Variants in PPM1H observed in about 807,000 individuals in gnomAD.
PPM1H encodes protein phosphatase, Mg2+/Mn2+ dependent 1H.
Under a neutral mutation model 54.9 loss-of-function variants are expected in PPM1H, and 27 were observed. That is an observed-to-expected ratio of 0.49 (90% CI 0.36 to 0.68). The LOEUF (loss-of-function observed/expected upper bound fraction) is 0.68. PPM1H is among the 30% of genes least tolerant of loss of function. The probability of loss-of-function intolerance (pLI) is 0.00; values close to 1 mark genes in which losing one functional copy is unlikely to be tolerated. For missense variants in PPM1H, 596 were observed against 667.8 expected (o/e 0.89, Z 1.19); for synonymous variants, 305 against 270.8 (o/e 1.13, Z -1.24).
At chr12:62,816,101 T>C (rs1456189099) in intron 2 of PPM1H, among the ~76,000 whole-genome samples, 1 of 152,164 alleles carries the variant, frequency 6.6e-6, no homozygotes, top group Non-Finnish European at 1.5e-5. Context: ...GAGTTATTCT[T>C]CCTTGATGTC....
At chr12:62,832,565 A>G (rs1235185934) in intron 1 of PPM1H, among the ~76,000 whole-genome samples, 1 of 152,250 alleles carries the variant, frequency 6.6e-6, no homozygotes. Context: ...CATTTTAGTC[A>G]AAACACATGA....
intron 4 of PPM1H, among the ~76,000 whole-genome samples, chr12:62,742,724 A>G (rs1274704046): frequency 6.6e-6 from 1 of 152,212 alleles, no homozygotes; most frequent in East Asian, 1.9e-4. Context: ...CTGGGGCCTC[A>G]GGCCTGGACT....
intron 9 of PPM1H, among the ~76,000 whole-genome samples, chr12:62,656,091 G>C (rs536022760): frequency 1.3e-5 from 2 of 152,230 alleles, no homozygotes; most frequent in Non-Finnish European, 2.9e-5. Context: ...CTTAAAGTCA[G>C]GCGGAAGGAG....
chr12:62,814,845 G>C (rs2076856273), intron 2 of PPM1H, among the ~76,000 whole-genome samples: 1 of 152,110 alleles, frequency 6.6e-6, no homozygotes, highest in Non-Finnish European at 1.5e-5. Flanking sequence ...CTTCCCCTTG[G>C]GGAAACAGAG....
intron 6 of PPM1H, among the ~76,000 whole-genome samples, chr12:62,700,962 G>C (rs1321966908): frequency 1.3e-5 from 2 of 151,964 alleles, no homozygotes; most frequent in African/African-American, 4.8e-5. Context: ...AACAGTTAAA[G>C]AATTTTACTT....
chr12:62,916,395 ATC>A (rs1335764202), intron 1 of PPM1H, among the ~76,000 whole-genome samples: 1 of 152,192 alleles, frequency 6.6e-6, no homozygotes, highest in African/African-American at 2.4e-5. Context: ...CTGTTTTGGT[ATC>A]TGTCTCATAA....
At chr12:62,839,456 C>T (rs940283699) in intron 1 of PPM1H, among the ~76,000 whole-genome samples, 3 of 152,066 alleles carry the variant, frequency 2.0e-5, no homozygotes, top group African/African-American at 7.2e-5. Flanking sequence ...AAAATTAATA[C>T]ATCCAGCTAC....
intron 2 of PPM1H, among the ~76,000 whole-genome samples, chr12:62,825,643 A>C (rs1868281867): frequency 2.0e-5 from 3 of 152,204 alleles, no homozygotes; most frequent in African/African-American, 7.2e-5. Context: ...ACAGAAAACC[A>C]AACATCATAT....
chr12:62,892,282 A>C (rs2121084511), intron 1 of PPM1H, among the ~76,000 whole-genome samples: 1 of 152,318 alleles, frequency 6.6e-6, no homozygotes, highest in Admixed American at 6.5e-5. Context: ...GTCCTGTGTA[A>C]CCTATGAATT....
intron 2 of PPM1H, among the ~76,000 whole-genome samples, chr12:62,811,985 C>CAGAT (rs1366725952): frequency 6.6e-6 from 1 of 152,168 alleles, no homozygotes; most frequent in East Asian, 1.9e-4. Context: ...AACTGGGGTA[C>CAGAT]AGATAGTTTA....
chr12:62,888,513 T>A (rs1294475079), intron 1 of PPM1H, among the ~76,000 whole-genome samples: 1 of 151,788 alleles, frequency 6.6e-6, no homozygotes, highest in Admixed American at 6.6e-5. Flanking sequence ...AGACACAGCA[T>A]CCCAGGAAGA....
chr12:62,902,850 T>A (rs1402808979), intron 1 of PPM1H, among the ~76,000 whole-genome samples: 1 of 152,230 alleles, frequency 6.6e-6, no homozygotes, highest in African/African-American at 2.4e-5. Context: ...GGCCCTACTC[T>A]AGATGGAGGG....
rs190274262 is a variant in PPM1H at position 62,825,854 on chromosome 12, C to T, written c.411+6260G>A. On this transcript the variant is annotated intron_variant, in intron 2 of 9. Coordinates refer to ENST00000228705, the MANE Select transcript of PPM1H (RefSeq NM_020700.2). ...CTACGTAACAAACCTGCATATTGTG[C>T]GCATGTACCCTAGAACTTAAAGTAT... 7.9e-5 allele frequency among the ~76,000 whole-genome samples: 12 copies of T among 151,222 alleles called. No homozygotes were observed. In the East Asian group the frequency reaches 1.6e-3, roughly 20 times the overall value.
intron 2 of PPM1H, among the ~76,000 whole-genome samples, chr12:62,821,038 A>G (rs1212523831): frequency 1.3e-5 from 2 of 152,174 alleles, no homozygotes; most frequent in East Asian, 1.9e-4. Context: ...AGATCAGATG[A>G]ATGGCTAACT....
intron 1 of PPM1H, among the ~76,000 whole-genome samples, chr12:62,913,872 G>A (rs1332390638): frequency 1.3e-5 from 2 of 151,342 alleles, no homozygotes; most frequent in African/African-American, 4.9e-5. Context: ...GGCTAACTTT[G>A]TATTTTTAGT....
Position 62,875,287 on chromosome 12 carries a change from T to C in PPM1H, c.246-43008A>G, listed in dbSNP as rs148208514. ...GTTCACGAAGCTTAGAAGTTCTTAC[T>C]AGGCAATTCCCCCCAAAAATCCTAA... On this transcript the variant is annotated intron_variant, in intron 1 of 9. Transcript: ENST00000228705. 3.7e-3 allele frequency among the ~76,000 whole-genome samples: 557 copies of C among 152,310 alleles called. 4 individuals are homozygous for C. The highest frequency in any genetic ancestry group is 0.013 in the African/African-American group (527 of 41,554).
chr12:62,744,176 A>G (rs1328999033), intron 4 of PPM1H, among the ~76,000 whole-genome samples: 1 of 151,342 alleles, frequency 6.6e-6, no homozygotes, highest in Non-Finnish European at 1.5e-5. Context: ...TAAAAAAAAA[A>G]AAAAAAAAAA....
chr12:62,686,125 TA>T (rs1449540121), intron 8 of PPM1H, among the ~76,000 whole-genome samples: 1 of 152,154 alleles, frequency 6.6e-6, no homozygotes, highest in Non-Finnish European at 1.5e-5. Context: ...CGAGGTGACA[TA>T]AGGTTTCTCA....
At chr12:62,817,160 A>AC (rs2076874097) in intron 2 of PPM1H, among the ~76,000 whole-genome samples, 1 of 127,542 alleles carries the variant, frequency 7.8e-6, no homozygotes, top group Non-Finnish European at 1.7e-5. Flanking sequence ...ACTAAAAAAA[A>AC]GAAAAAAAAA....
Sources: gnomAD v4.1 joint callset for allele counts (sites outside exome capture counted in the v4.1 genomes callset) on GRCh38, gnomAD v4.1.1 for gene constraint, MANE v1.5 for transcripts, NCBI Gene and HGNC (gene_info 2026-07-23, HGNC 2026-07-21) for gene names.